CANT1: variants seen among roughly 807,000 people sequenced by gnomAD.
The protein encoded by CANT1 is soluble calcium-activated nucleotidase 1.
A neutral mutation model predicts 30.0 loss-of-function variants in CANT1; 26 were observed. The observed-to-expected ratio is 0.87, with a 90% CI of 0.64 to 1.20. The LOEUF is 1.20. Ranked by LOEUF, CANT1 falls within the 50% of genes most tolerant of loss-of-function variation. The pLI is 0.00. For missense variants in CANT1, 518 were observed against 563.0 expected, an observed-to-expected ratio of 0.92 and a Z score of 0.81; for synonymous variants, 246 against 251.8, an observed-to-expected ratio of 0.98 and a Z score of 0.22.
intron 1 of CANT1, chr17:79,006,109 G>A (rs568136035): frequency 7.9e-4 from 121 of 152,480 alleles, no homozygotes; most frequent in African/African-American, 2.8e-3. Context: ...TTCTGCACCT[G>A]TCCCCGCCCC....
chr17:79,005,180 T>G (rs1599251182), intron 1 of CANT1, among the ~76,000 whole-genome samples: 5 of 40,382 alleles, frequency 1.2e-4, no homozygotes, highest in Non-Finnish European at 1.8e-4. Flanking sequence ...AGAGGGGAGT[T>G]AGGGAAGGGA....
rs1032748721 is a variant in CANT1, at chr17:78,997,684, G to A, written c.-22-40C>T. ...AGGGAGGAGAGGAGTCAGCGCCTCC[G>A]CAAGCCCAGTCACATCTTAGTTCCG... On this transcript the variant is annotated intron_variant, in intron 2 of 4. Transcript: ENST00000392446. This position sits in a 1 kb window ranked among gnomAD's most constrained non-coding sequence, Gnocchi z 7.5. 11 of 1,470,840 alleles carry A rather than the reference G, an allele frequency of 7.5e-6. No individual in the cohort carries two copies. The East Asian group carries it at 1.2e-4, about 16-fold the overall frequency. The allele number at this position is 1,470,840 out of a possible 1,614,324, so 91.1% of individuals were successfully genotyped here.
intron 1 of CANT1, among the ~76,000 whole-genome samples, chr17:79,005,135 T>TAGGGAGAGGGGGG (rs1568045690): frequency 3.2e-4 from 6 of 19,006 alleles, no homozygotes; most frequent in African/African-American, 2.2e-3. Flanking sequence ...GGAGAGGGGA[T>TAGGGAGAGGGGGG]TTAGGGAGGG....
intron 1 of CANT1, among the ~76,000 whole-genome samples, chr17:79,001,994 C>G (rs1260404298): frequency 6.6e-6 from 1 of 152,060 alleles, no homozygotes; most frequent in Non-Finnish European, 1.5e-5. Flanking sequence ...TCCCACCCAG[C>G]TTGAGACTCG....
Position 79,002,493 on chromosome 17 carries a change from G to C in CANT1, c.-146-4530C>G, listed in dbSNP as rs752658740. Among the ~76,000 whole-genome samples the C allele has an allele frequency of 6.6e-6, 1 of 152,198 alleles. No individual in the cohort carries two copies. The highest frequency in any genetic ancestry group is 6.5e-5 in the Admixed American group (1 of 15,284). The stretch of plus-strand genomic sequence containing the variant: ...TGGCCTGGTATGTGGTTGCAGCTTG[G>C]TGTGTAGACTCTGCCTGGTGTGTAG... On this transcript the variant is annotated intron_variant, in intron 1 of 4. Coordinates refer to ENST00000392446, the MANE Select transcript of CANT1 (RefSeq NM_001159773.2). The surrounding 1 kb of genome is among the most constrained non-coding windows in gnomAD (Gnocchi z 4.0).
Position 78,997,111 on chromosome 17 carries a change from A to G in CANT1, c.512T>C (p.Ile171Thr). Residue 171 changes from isoleucine (I) to threonine (T), a missense_variant, in exon 3 of 5, where the codon ATT becomes ACT. By Grantham distance (89) the Ile-to-Thr change is moderately conservative. Around this residue, in one of 3 missense-constraint regions of CANT1, gnomAD observed 249 missense variants for 268.8 expected, o/e 0.93. Transcript: ENST00000392446. The surrounding 1 kb of genome is among the most constrained non-coding windows in gnomAD (Gnocchi z 7.5). ...KGRGMELSDL[I>T]VFNGKLYSVD... is the part of the protein sequence containing the mutation. Reference sequence around the variant, plus strand: ...GGAGTAGAGTTTCCCATTGAAAACAATCAGGTCGGATAGCTCCATGCCTCT... The same window carrying G: ...GGAGTAGAGTTTCCCATTGAAAACAGTCAGGTCGGATAGCTCCATGCCTCT... 1.2e-6 allele frequency: 2 copies of G among 1,614,160 alleles called. No individual in the cohort carries two copies. The highest frequency in any genetic ancestry group is 1.7e-6 in the Non-Finnish European group (2 of 1,180,034).
Position 78,996,085 on chromosome 17 carries a change from G to A in CANT1, c.632-864C>T, listed in dbSNP as rs1395006030. On this transcript the variant is annotated intron_variant, in intron 3 of 4. Transcript: ENST00000392446. The surrounding 1 kb of genome is among the most constrained non-coding windows in gnomAD (Gnocchi z 5.1). ...GGTTGCCTAAAACCCTGACAAGTGC[G>A]AGGCAGGAAGTAGGCGACCAACGCC... 1.3e-5 allele frequency among the ~76,000 whole-genome samples: 2 copies of A among 152,156 alleles called. No homozygotes were observed. Among genetic ancestry groups the A allele is most frequent in the Admixed American group, 6.5e-5 (1 of 15,280 alleles).
At position 78,993,994 on chromosome 17, in the gene CANT1, G is replaced by T. The variant is rs936718522; in HGVS notation, c.836-74C>A. The T allele has an allele frequency of 6.7e-7, 1 of 1,497,026 alleles. No individual in the cohort carries two copies. The highest frequency in any genetic ancestry group is 8.9e-7 in the Non-Finnish European group (1 of 1,124,514). 92.7% of individuals were successfully genotyped at this position (1,497,026 alleles called of 1,614,324 possible). ...CCAGCCCCACACCATCAGGCCGTGC[G>T]CAGTAGCAGGCAAGGGGCTGCGACC... is the stretch of plus-strand genomic sequence containing the variant. On this transcript the variant is annotated intron_variant, in intron 4 of 4. Transcript: ENST00000392446. This position sits in a 1 kb window ranked among gnomAD's most constrained non-coding sequence, Gnocchi z 4.5.
chr17:79,005,747 G>A (rs1478289206), intron 1 of CANT1, among the ~76,000 whole-genome samples: 1 of 152,116 alleles, frequency 6.6e-6, no homozygotes, highest in African/African-American at 2.4e-5. Context: ...TGTGTTCACT[G>A]CCATGGTAAA....
chr17:78,993,308 G>C lies in CANT1; in HGVS notation c.*242C>G. ...ACCCAGCCAGTTAGGCAGGCCTTGA[G>C]TCAATGCCTGAAGTGACCGAAATCA... On this transcript the variant is annotated 3_prime_UTR_variant, in exon 5 of 5. Transcript: ENST00000392446. This position sits in a 1 kb window ranked among gnomAD's most constrained non-coding sequence, Gnocchi z 4.5. The C allele has an allele frequency of 1.8e-6, 1 of 562,778 alleles. No homozygotes were observed. Among genetic ancestry groups the C allele is most frequent in the African/African-American group, 1.9e-5 (1 of 53,450 alleles). The allele number at this position is 562,778 out of a possible 1,614,324, so 34.9% of individuals were successfully genotyped here. A position where few individuals can be genotyped will look rare whatever the true frequency, so the allele number is the denominator to read the frequency against.
chr17:79,003,098 GTCAGTGTTA>G (rs2145849436), intron 1 of CANT1, among the ~76,000 whole-genome samples: 1 of 151,836 alleles, frequency 6.6e-6, no homozygotes, highest in African/African-American at 2.4e-5. Context: ...GTCCCGTGTG[GTCAGTGTTA>G]CCTCGAGGTC....
In CANT1 at chr17:78,997,678, G is replaced by C. The variant is rs886053528; in HGVS notation, c.-22-34C>G. 137 of 1,478,870 alleles carry C rather than the reference G, an allele frequency of 9.3e-5. No homozygotes were observed. The highest frequency in any genetic ancestry group is 3.6e-4 in the Middle Eastern group (2 of 5,564). 91.6% of individuals were successfully genotyped at this position (1,478,870 alleles called of 1,614,324 possible). A position where few individuals can be genotyped will look rare whatever the true frequency, so the allele number is the denominator to read the frequency against. On this transcript the variant is annotated intron_variant, in intron 2 of 4. Transcript: ENST00000392446. The surrounding 1 kb of genome is among the most constrained non-coding windows in gnomAD (Gnocchi z 7.5). Reference sequence around the variant, plus strand: ...CCAGGGAGGGAGGAGAGGAGTCAGCGCCTCCGCAAGCCCAGTCACATCTTA... The same window carrying C: ...CCAGGGAGGGAGGAGAGGAGTCAGCCCCTCCGCAAGCCCAGTCACATCTTA...
Position 78,997,344 on chromosome 17 carries a change from CA to C in CANT1, c.278del (p.Leu93ArgfsTer37), listed in dbSNP as rs767601069. ...PANWYNDTYPLSPPQRTPAGI... is the reference protein window; with the variant it reads ...PANWYNDTYPXSPPQRTPAGI... ...CAGCCGGTGTCCTTTGTGGGGGAGA[CA>C]GGGGGTAGGTGTCATTGTACCAGTT... On this transcript the variant is annotated frameshift_variant, in exon 3 of 5. Coordinates refer to ENST00000392446, the MANE Select transcript of CANT1 (RefSeq NM_001159773.2). LOFTEE classifies it high-confidence loss of function. The surrounding 1 kb of genome is among the most constrained non-coding windows in gnomAD (Gnocchi z 7.5). The C allele has an allele frequency of 3.7e-6, 6 of 1,613,882 alleles. No homozygotes were observed. The highest frequency in any genetic ancestry group is 1.1e-5 in the South Asian group (1 of 91,076).
chr17:79,001,181 C>T (rs749752078), intron 1 of CANT1, among the ~76,000 whole-genome samples: 11 of 152,268 alleles, frequency 7.2e-5, no homozygotes, highest in African/African-American at 1.2e-4. Context: ...CGTGAGGTGT[C>T]GTCGTCACCA....
Position 78,996,493 on chromosome 17 carries a change from G to C in CANT1, c.631+499C>G, listed in dbSNP as rs1568035197. Among the ~76,000 whole-genome samples the C allele has an allele frequency of 6.6e-6, 1 of 152,180 alleles. No homozygotes were observed. The highest frequency in any genetic ancestry group is 1.5e-5 in the Non-Finnish European group (1 of 68,040). On this transcript the variant is annotated intron_variant, in intron 3 of 4. Coordinates refer to ENST00000392446, the MANE Select transcript of CANT1 (RefSeq NM_001159773.2). This position sits in a 1 kb window ranked among gnomAD's most constrained non-coding sequence, Gnocchi z 5.1. Reference sequence around the variant, plus strand: ...GCTCCACTCCAGGGGGGTTGGCACAGCTCACACATGCCCTCCCCCTGCTGG... The same window carrying C: ...GCTCCACTCCAGGGGGGTTGGCACACCTCACACATGCCCTCCCCCTGCTGG...
chr17:78,995,270 C>A lies in CANT1; in HGVS notation c.632-49G>T, dbSNP rs777893726. On this transcript the variant is annotated intron_variant, in intron 3 of 4. Coordinates refer to ENST00000392446, the MANE Select transcript of CANT1 (RefSeq NM_001159773.2). This position sits in a 1 kb window ranked among gnomAD's most constrained non-coding sequence, Gnocchi z 5.7. ...GCCCCGCACCCAGCTCCCGCCGCAC[C>A]CCTGCACCTGGCTCCCACCCGGCCC... 5.4e-5 allele frequency: 86 copies of A among 1,582,580 alleles called. No individual in the cohort carries two copies. The highest frequency in any genetic ancestry group is 7.1e-5 in the Non-Finnish European group (83 of 1,162,296).
rs2070852692 is a variant in CANT1, at chr17:78,991,879, G to A, written c.*1671C>T. 4.3e-6 allele frequency: 1 copy of A among 231,554 alleles called. No individual in the cohort carries two copies. Among genetic ancestry groups the A allele is most frequent in the African/African-American group, 2.2e-5 (1 of 45,242 alleles). The allele number at this position is 231,554 out of a possible 1,614,324, so 14.3% of individuals were successfully genotyped here. A position where few individuals can be genotyped will look rare whatever the true frequency, so the allele number is the denominator to read the frequency against. ...GCGAAGAGGCTGCTTCCGGGCACCT[G>A]GGCTGTGACTCAGGTGCTGACATGA... On this transcript the variant is annotated 3_prime_UTR_variant, in exon 5 of 5. Transcript: ENST00000392446.
At position 78,993,493 on chromosome 17, in the gene CANT1, C is replaced by T. The variant is rs886053525; in HGVS notation, c.*57G>A. On this transcript the variant is annotated 3_prime_UTR_variant, in exon 5 of 5. Coordinates refer to ENST00000392446, the MANE Select transcript of CANT1 (RefSeq NM_001159773.2). The surrounding 1 kb of genome is among the most constrained non-coding windows in gnomAD (Gnocchi z 4.5). ...AACAAAACAAAACAAAAGTGCACTC[C>T]TCTTGTTTTTATAAAAGCTGAGTCC... is the stretch of plus-strand genomic sequence containing the variant. 286 of 1,612,424 alleles carry T rather than the reference C, an allele frequency of 1.8e-4. No individual in the cohort carries two copies. Among genetic ancestry groups the T allele is most frequent in the Non-Finnish European group, 2.2e-4 (260 of 1,179,272 alleles).
Position 78,998,982 on chromosome 17 carries a change from T to C in CANT1, c.-146-1019A>G, listed in dbSNP as rs938439948. On this transcript the variant is annotated intron_variant, in intron 1 of 4. Transcript: ENST00000392446. This position sits in a 1 kb window ranked among gnomAD's most constrained non-coding sequence, Gnocchi z 4.5. ...TCCGTGCAATTCTGGGCCCCAAATA[T>C]GTGGACCACGAGGCCCTGGTGCACG... 1.3e-5 allele frequency among the ~76,000 whole-genome samples: 2 copies of C among 152,156 alleles called. No individual in the cohort carries two copies. Among genetic ancestry groups the C allele is most frequent in the African/African-American group, 4.8e-5 (2 of 41,436 alleles).
Sources: gnomAD v4.1 joint callset for allele counts (sites outside exome capture counted in the v4.1 genomes callset) on GRCh38, gnomAD v4.1.1 for gene constraint, gnomAD v4.1.1 regional missense constraint, Gnocchi (gnomAD v3.1) non-coding constraint, MANE v1.5 for transcripts, NCBI Gene and HGNC (gene_info 2026-07-23, HGNC 2026-07-21) for gene names.